The following PTPN2 variants were observed in gnomAD, a reference collection of about 807,000 sequenced individuals.
PTPN2 encodes the protein tyrosine-protein phosphatase non-receptor type 2.
A neutral mutation model predicts 57.3 loss-of-function variants in PTPN2; 19 were observed. The observed-to-expected ratio is 0.33, with a 90% confidence interval of 0.23 to 0.49. The LOEUF is 0.49. Ranked by LOEUF, PTPN2 falls within the 20% of genes least tolerant of loss-of-function variation. PTPN2 has a pLI of 0.99. For missense variants in PTPN2, 358 were observed against 501.1 expected (o/e 0.71, Z 2.73); for synonymous variants, 153 against 164.9 (o/e 0.93, Z 0.55).
At chr18:12,862,169 T>G (rs1254716614) in intron 1 of PTPN2, 20 of 151,816 alleles carry the variant, frequency 1.3e-4, no homozygotes, top group Admixed American at 1.3e-3. Context: ...TTTTTTTTTT[T>G]GTTTTTTGAG....
At chr18:12,846,622 C>T (rs886948636) in intron 2 of PTPN2, among the ~76,000 whole-genome samples, 1 of 152,120 alleles carries the variant, frequency 6.6e-6, no homozygotes, top group Non-Finnish European at 1.5e-5. Context: ...TTACACTTTC[C>T]CTGTCGCAGA....
chr18:12,804,386 C>G (rs773938995), intron 7 of PTPN2, among the ~76,000 whole-genome samples: 11 of 147,470 alleles, frequency 7.5e-5, no homozygotes, highest in Non-Finnish European at 1.6e-4. Context: ...CCAAAATTAG[C>G]AGAACAAAGA....
chr18:12,805,465 A>G (rs577835484), intron 7 of PTPN2, among the ~76,000 whole-genome samples: 1 of 152,056 alleles, frequency 6.6e-6, no homozygotes, highest in South Asian at 2.1e-4. Context: ...TCAAAAAAAA[A>G]AAAAAATTCA....
chr18:12,826,950 T>G (rs1483029143), intron 4 of PTPN2, among the ~76,000 whole-genome samples: 1 of 152,242 alleles, frequency 6.6e-6, no homozygotes, highest in African/African-American at 2.4e-5. Context: ...AAAAATAAAT[T>G]TATCATTCTT....
chr18:12,875,464 T>C (rs956649089), intron 1 of PTPN2, among the ~76,000 whole-genome samples: 27 of 152,222 alleles, frequency 1.8e-4, no homozygotes, highest in South Asian at 2.1e-4. Context: ...GCTAAACTGA[T>C]TGAGGATTTA....
intron 1 of PTPN2, among the ~76,000 whole-genome samples, chr18:12,871,371 G>A (rs750061599): frequency 6.6e-6 from 1 of 151,794 alleles, no homozygotes; most frequent in Non-Finnish European, 1.5e-5. Context: ...TGTCTGATAG[G>A]TGAAAAATGG....
intron 5 of PTPN2, among the ~76,000 whole-genome samples, chr18:12,820,525 C>T (rs142084137): frequency 1.1e-4 from 16 of 152,232 alleles, no homozygotes; most frequent in Admixed American, 9.8e-4. Context: ...AGAGCTAAAA[C>T]GAAATTCATC....
intron 1 of PTPN2, among the ~76,000 whole-genome samples, chr18:12,870,460 T>TAG (rs1363329441): frequency 0.015 from 362 of 24,086 alleles, 8 homozygotes; most frequent in East Asian, 0.048. Flanking sequence ...TATATATATA[T>TAG]ATAGAGAGAG....
intron 1 of PTPN2, among the ~76,000 whole-genome samples, chr18:12,859,936 T>C (rs371104239): frequency 2.3e-4 from 35 of 151,802 alleles, no homozygotes; most frequent in African/African-American, 8.0e-4. Flanking sequence ...GCGGATTCCC[T>C]GAGGTCAGGA....
rs2044170893 is a variant in PTPN2 at position 12,870,342 on chromosome 18, CATATATATGTGTATATATATGT to C, written c.70-11110_70-11089del. Among the ~76,000 whole-genome samples, 7 of 32,696 alleles carry C rather than the reference CATATATATGTGTATATATATGT, an allele frequency of 2.1e-4. 1 individual carries two copies. The highest frequency in any genetic ancestry group is 6.0e-4 in the African/African-American group (3 of 4,960). 21.4% of individuals were successfully genotyped at this position (32,696 alleles called of 152,430 possible). A position where few individuals can be genotyped will look rare whatever the true frequency, so the allele number is the denominator to read the frequency against. ...ATGTGTATATATATGTATATATATA[CATATATATGTGTATATATATGT>C]GTATATATACATATATATACGTATA... On this transcript the variant is annotated intron_variant, in intron 1 of 8. Coordinates refer to ENST00000309660, the MANE Select transcript of PTPN2 (RefSeq NM_002828.4).
intron 3 of PTPN2, among the ~76,000 whole-genome samples, chr18:12,835,204 T>TA (rs765112506): frequency 2.8e-4 from 42 of 151,804 alleles, no homozygotes; most frequent in African/African-American, 8.7e-4. Context: ...CAAATGCACA[T>TA]AAAAAAAACT....
At position 12,794,268 on chromosome 18, in the gene PTPN2, A is replaced by G. The variant is rs761265735; in HGVS notation, c.*10T>C. On this transcript the variant is annotated 3_prime_UTR_variant, in exon 9 of 9. Transcript: ENST00000309660. The stretch of plus-strand genomic sequence containing the variant: ...ACTAGTGCAGAAGCTTGCTGGGCAA[A>G]ATTAATTGTTTATAGGGCATTTTGC... 2.5e-6 allele frequency: 4 copies of G among 1,614,058 alleles called. No homozygotes were observed. Among genetic ancestry groups the G allele is most frequent in the Non-Finnish European group, 3.4e-6 (4 of 1,180,016 alleles).
chr18:12,852,191 A>AAC (rs139964591), intron 2 of PTPN2, among the ~76,000 whole-genome samples: 17,125 of 140,370 alleles, frequency 0.12, 1,034 homozygotes, highest in South Asian at 0.21. Flanking sequence ...ATGGGTTTTT[A>AAC]ACACACACAC....
intron 7 of PTPN2, among the ~76,000 whole-genome samples, chr18:12,812,806 T>C (rs946797936): frequency 1.3e-5 from 2 of 152,072 alleles, no homozygotes; most frequent in Middle Eastern, 3.2e-3. Context: ...ATGTTTCCAA[T>C]ATCCTATCTG....
chr18:12,881,169 T>C (rs1024371238), intron 1 of PTPN2, among the ~76,000 whole-genome samples: 1 of 152,192 alleles, frequency 6.6e-6, no homozygotes, highest in South Asian at 2.1e-4. Context: ...GAGCAGTGGC[T>C]CATGCCTGTA....
chr18:12,832,471 T>C (rs1257254991), intron 3 of PTPN2, among the ~76,000 whole-genome samples: 1 of 152,152 alleles, frequency 6.6e-6, no homozygotes, highest in African/African-American at 2.4e-5. Context: ...AGATACTCAA[T>C]AAATATTACT....
At chr18:12,860,706 G>T (rs2043775594) in intron 1 of PTPN2, among the ~76,000 whole-genome samples, 1 of 152,162 alleles carries the variant, frequency 6.6e-6, no homozygotes, top group South Asian at 2.1e-4. Flanking sequence ...AGGCTGCAGT[G>T]AGCTGAGATT....
chr18:12,840,582 C>G (rs899585945), intron 2 of PTPN2: 27 of 1,052,152 alleles, frequency 2.6e-5, no homozygotes, highest in Non-Finnish European at 3.8e-5. Flanking sequence ...TCTCAGTCCT[C>G]ACAGCCCTAT....
intron 1 of PTPN2, among the ~76,000 whole-genome samples, chr18:12,864,633 C>T (rs1180405689): frequency 2.0e-5 from 3 of 152,018 alleles, no homozygotes; most frequent in Admixed American, 1.3e-4. Context: ...CTCCTGACCT[C>T]GTGATCTGCC....
Sources: gnomAD v4.1 joint callset for allele counts (sites outside exome capture counted in the v4.1 genomes callset) on GRCh38, gnomAD v4.1.1 for gene constraint, MANE v1.5 for transcripts, NCBI Gene and HGNC (gene_info 2026-07-23, HGNC 2026-07-21) for gene names.